The following SGCZ variants were observed in gnomAD, a reference collection of about 807,000 sequenced individuals.
SGCZ encodes the protein zeta-sarcoglycan.
A neutral mutation model predicts 41.3 loss-of-function variants in SGCZ; 40 were observed. The observed-to-expected ratio is 0.97, with a 90% CI of 0.75 to 1.26. The LOEUF (loss-of-function observed/expected upper bound fraction) is 1.26, where lower values mean the gene tolerates loss of function less well. Among genes scored for constraint, SGCZ ranks in the 50% most tolerant of loss-of-function variants. The pLI is 0.00. For missense variants in SGCZ, 552 were observed against 369.8 expected, an observed-to-expected ratio of 1.49 and a Z score of -4.04; for synonymous variants, 206 against 137.5, an observed-to-expected ratio of 1.50 and a Z score of -3.49.
chr8:15,117,183 C>A (rs1237668912), intron 1 of SGCZ, among the ~76,000 whole-genome samples: 1 of 152,036 alleles, frequency 6.6e-6, no homozygotes, highest in African/African-American at 2.4e-5. Context: ...CACGGTGAAA[C>A]CCCGTCTCTA....
In SGCZ at chr8:14,105,781, T is replaced by C. The variant is rs375443773; in HGVS notation, c.620+2382A>G. Among the ~76,000 whole-genome samples, 20 of 152,226 alleles carry C rather than the reference T, an allele frequency of 1.3e-4. No homozygotes were observed. In the South Asian group the frequency reaches 4.1e-3, roughly 32 times the overall value. On this transcript the variant is annotated intron_variant, in intron 6 of 7. Transcript: ENST00000382080. ...GTAATATCATTCGCATTTTCACTTA[T>C]GAATTGTGAAATATGTCAGCAAGAT...
chr8:14,110,159 T>C lies in SGCZ; in HGVS notation c.548-1924A>G, dbSNP rs575486869. On this transcript the variant is annotated intron_variant, in intron 5 of 7. Coordinates refer to ENST00000382080, the MANE Select transcript of SGCZ (RefSeq NM_139167.4). Reference sequence around the variant, plus strand: ...GTTTGAGGTAACACTAATTTTGTGATTATAGTGGGGATAGCATTTGAAAGA... The same window carrying C: ...GTTTGAGGTAACACTAATTTTGTGACTATAGTGGGGATAGCATTTGAAAGA... Among the ~76,000 whole-genome samples, 18 of 152,286 alleles carry C rather than the reference T, an allele frequency of 1.2e-4. 1 individual carries two copies. The highest frequency in any genetic ancestry group is 1.2e-3 in the Admixed American group (18 of 15,284).
intron 1 of SGCZ, among the ~76,000 whole-genome samples, chr8:15,210,403 C>T (rs766332639): frequency 3.3e-5 from 5 of 152,082 alleles, no homozygotes; most frequent in South Asian, 2.1e-4. Context: ...CTTCAGTTTC[C>T]GTAATACTGT....
chr8:14,600,093 A>G (rs924408167), intron 1 of SGCZ, among the ~76,000 whole-genome samples: 1 of 152,024 alleles, frequency 6.6e-6, no homozygotes, highest in Non-Finnish European at 1.5e-5. Context: ...ATTTTATCCC[A>G]TCTAGTAGTA....
intron 2 of SGCZ, among the ~76,000 whole-genome samples, chr8:14,340,974 A>G (rs980062886): frequency 6.6e-6 from 1 of 152,008 alleles, no homozygotes; most frequent in Non-Finnish European, 1.5e-5. Flanking sequence ...GGTAACTGCT[A>G]TTCTACCTTC....
chr8:14,127,880 G>A (rs1436317567), intron 5 of SGCZ, among the ~76,000 whole-genome samples: 2 of 152,128 alleles, frequency 1.3e-5, no homozygotes, highest in Admixed American at 1.3e-4. Context: ...ATTAAGCCCA[G>A]TACCCGATAA....
At chr8:15,202,243 C>T (rs1045163894) in intron 1 of SGCZ, among the ~76,000 whole-genome samples, 9 of 152,110 alleles carry the variant, frequency 5.9e-5, no homozygotes, top group African/African-American at 9.6e-5. Flanking sequence ...TCTGTAGAGG[C>T]CAAATGCTCA....
At chr8:14,971,383 T>G (rs7388469) in intron 1 of SGCZ, among the ~76,000 whole-genome samples, 1 of 151,850 alleles carries the variant, frequency 6.6e-6, no homozygotes, top group Non-Finnish European at 1.5e-5. Flanking sequence ...TCTTTCATCT[T>G]TAAGTATGAT....
chr8:14,644,295 G>A (rs1478564514), intron 1 of SGCZ, among the ~76,000 whole-genome samples: 1 of 151,628 alleles, frequency 6.6e-6, no homozygotes, highest in Non-Finnish European at 1.5e-5. Context: ...TCAGTTGAAG[G>A]CCTTAGGGGC....
chr8:14,707,552 T>C (rs1438058715), intron 1 of SGCZ, among the ~76,000 whole-genome samples: 2 of 152,110 alleles, frequency 1.3e-5, no homozygotes, highest in Non-Finnish European at 2.9e-5. Context: ...GACTGAATGG[T>C]GGGCTAATTC....
At chr8:14,351,965 G>A (rs745989613) in intron 2 of SGCZ, among the ~76,000 whole-genome samples, 77 of 152,050 alleles carry the variant, frequency 5.1e-4, no homozygotes, top group African/African-American at 8.0e-4. Context: ...AAATAATACC[G>A]TCAACCTCGA....
At chr8:14,674,064 T>C (rs1324291552) in intron 1 of SGCZ, among the ~76,000 whole-genome samples, 3 of 152,178 alleles carry the variant, frequency 2.0e-5, no homozygotes, top group Non-Finnish European at 4.4e-5. Flanking sequence ...TAAATTTATA[T>C]ATTTTTATTT....
At chr8:15,179,784 T>G (rs1461757463) in intron 1 of SGCZ, among the ~76,000 whole-genome samples, 1 of 152,072 alleles carries the variant, frequency 6.6e-6, no homozygotes, top group Admixed American at 6.5e-5. Context: ...AGAGGCAAAA[T>G]AAAAACGGGT....
chr8:15,213,576 CA>C (rs1423898312), intron 1 of SGCZ, among the ~76,000 whole-genome samples: 2 of 151,306 alleles, frequency 1.3e-5, no homozygotes, highest in African/African-American at 2.4e-5. Context: ...ACAAAAGAAA[CA>C]AATCCTAATT....
chr8:15,065,931 A>G (rs984442188), intron 1 of SGCZ, among the ~76,000 whole-genome samples: 1 of 152,202 alleles, frequency 6.6e-6, no homozygotes, highest in Admixed American at 6.5e-5. Context: ...GAAATATGTG[A>G]AATTTCACGT....
At chr8:14,645,607 A>C (rs2117441689) in intron 1 of SGCZ, among the ~76,000 whole-genome samples, 1 of 151,284 alleles carries the variant, frequency 6.6e-6, no homozygotes, top group African/African-American at 2.4e-5. Context: ...AAACAGCATC[A>C]GATTGAAAAT....
chr8:14,226,485 A>C (rs983994859), intron 4 of SGCZ, among the ~76,000 whole-genome samples: 1 of 152,104 alleles, frequency 6.6e-6, no homozygotes, highest in African/African-American at 2.4e-5. Context: ...GCCATCATAC[A>C]GTATGTAAAC....
intron 2 of SGCZ, among the ~76,000 whole-genome samples, chr8:14,506,550 C>A (rs1802311159): frequency 6.6e-6 from 1 of 151,990 alleles, no homozygotes; most frequent in South Asian, 2.1e-4. Flanking sequence ...TTCATGTATA[C>A]CTGGACACCT....
In SGCZ at chr8:14,528,971, C is replaced by T. The variant is rs146300296; in HGVS notation, c.234+25761G>A. Among the ~76,000 whole-genome samples the T allele has an allele frequency of 2.2e-3, 328 of 152,044 alleles. 2 individuals are homozygous for T. The highest frequency in any genetic ancestry group is 7.3e-3 in the African/African-American group (303 of 41,498). On this transcript the variant is annotated intron_variant, in intron 2 of 7. Transcript: ENST00000382080. ...ATTTTACAGATGAATCAGCTGAGAC[C>T]TAGAAAATGACAACCAACTAAACCA...
Sources: gnomAD v4.1 joint callset for allele counts (sites outside exome capture counted in the v4.1 genomes callset) on GRCh38, gnomAD v4.1.1 for gene constraint, MANE v1.5 for transcripts, NCBI Gene and HGNC (gene_info 2026-07-23, HGNC 2026-07-21) for gene names.